Variants in SLC38A8 observed in about 807,000 individuals in gnomAD.
SLC38A8 encodes the protein amino acid transporter SLC38A8.
In SLC38A8, 65 loss-of-function variants were observed where a neutral mutation model predicts 46.0. That is an observed-to-expected ratio of 1.41 (90% CI 1.16 to 1.74). The LOEUF (loss-of-function observed/expected upper bound fraction) is 1.74. SLC38A8 is among the 40% of genes most tolerant of loss of function. The pLI is 0.00. For missense variants in SLC38A8, 998 were observed against 567.9 expected, an observed-to-expected ratio of 1.76 and a Z score of -7.70; for synonymous variants, 447 against 243.7, an observed-to-expected ratio of 1.83 and a Z score of -7.77.
intron 9 of SLC38A8, 52 bp downstream of exon 9, chr16:84,016,467 G>A: frequency 3.2e-6 from 5 of 1,586,094 alleles, no homozygotes; most frequent in Non-Finnish European, 4.3e-6. Flanking sequence ...TCCCCACAGA[G>A]ATGAGCAGGG....
At chr16:84,015,636 C>T (rs1347582954) in intron 9 of SLC38A8, among the ~76,000 whole-genome samples, 1 of 152,048 alleles carries the variant, frequency 6.6e-6, no homozygotes, top group Non-Finnish European at 1.5e-5. Context: ...GTTCCTACGT[C>T]AAGAATGTCC....
In SLC38A8 at chr16:84,017,157, G is replaced by C; in HGVS notation, c.936C>G (p.Ile312Met). ...GGCCTCACCTCCCCAGGAAGAGCACGATGGGGTAGACAGTTACGATGGAGA... is the reference window on the plus strand; with the variant it reads ...GGCCTCACCTCCCCAGGAAGAGCACCATGGGGTAGACAGTTACGATGGAGA... ...FAVSIVTVYP[I>M]VLFLGRSVMQ... The change falls in exon 8 of 11, where the codon ATC becomes ATG. Residue 312 changes from isoleucine (I) to methionine (M), a missense_variant. Ile to Met is a conservative substitution (Grantham distance 10, BLOSUM62 1). Coordinates refer to ENST00000299709, the MANE Select transcript of SLC38A8 (RefSeq NM_001080442.3). 2 of 1,614,118 alleles carry C rather than the reference G, an allele frequency of 1.2e-6. No homozygotes were observed. Among genetic ancestry groups the C allele is most frequent in the Admixed American group, 1.7e-5 (1 of 60,014 alleles).
chr16:84,028,044 GA>G (rs1430123484), intron 6 of SLC38A8, among the ~76,000 whole-genome samples: 1 of 134,454 alleles, frequency 7.4e-6, no homozygotes, highest in Non-Finnish European at 1.7e-5. Flanking sequence ...AATGTTTCAA[GA>G]TTTTTTTTTT....
intron 10 of SLC38A8, among the ~76,000 whole-genome samples, chr16:84,012,062 C>T (rs932633417): frequency 1.3e-5 from 2 of 152,310 alleles, no homozygotes; most frequent in African/African-American, 4.8e-5. Flanking sequence ...TGATTTCACA[C>T]TCCTGGCTCC....
chr16:84,032,359 T>C (rs1381584849), intron 4 of SLC38A8, among the ~76,000 whole-genome samples: 1 of 152,178 alleles, frequency 6.6e-6, no homozygotes, highest in African/African-American at 2.4e-5. Flanking sequence ...TCGCTAATTT[T>C]TGTACTTTTA....
rs564750359 is a variant in SLC38A8 at position 84,028,695 on chromosome 16, CT to C, written c.690+798del. Among the ~76,000 whole-genome samples the C allele has an allele frequency of 5.8e-3, 877 of 151,090 alleles. 26 individuals are homozygous for C. The highest frequency in any genetic ancestry group is 0.053 in the Admixed American group (782 of 14,764). On this transcript the variant is annotated intron_variant, in intron 6 of 10. Transcript: ENST00000299709. Reference sequence around the variant, plus strand: ...AGGCCCGCCACCTCCCCTGCCCCCCCTGCCCCGCCACCTTCCCCCCAGCGCT... The same window carrying C: ...AGGCCCGCCACCTCCCCTGCCCCCCCGCCCCGCCACCTTCCCCCCAGCGCT...
intron 2 of SLC38A8, among the ~76,000 whole-genome samples, chr16:84,039,129 T>G (rs2085337353): frequency 6.6e-6 from 1 of 152,072 alleles, no homozygotes. Flanking sequence ...CCTGAGGCCA[T>G]AAACCCAAGA....
intron 6 of SLC38A8, among the ~76,000 whole-genome samples, chr16:84,028,606 C>G (rs916576667): frequency 2.6e-5 from 4 of 151,652 alleles, no homozygotes; most frequent in Admixed American, 2.6e-4. Context: ...AGAGCAGTGT[C>G]TGCTTCCACC....
intron 9 of SLC38A8, among the ~76,000 whole-genome samples, chr16:84,013,424 G>GTTTT (rs1221293803): frequency 0.011 from 692 of 64,028 alleles, 25 homozygotes; most frequent in Non-Finnish European, 0.013. Context: ...TTGTGTGTGT[G>GTTTT]TTTTTTTTTT....
chr16:84,020,281 C>G (rs1189580248), intron 7 of SLC38A8, among the ~76,000 whole-genome samples: 1 of 152,036 alleles, frequency 6.6e-6, no homozygotes, highest in Admixed American at 6.6e-5. Context: ...GTAGCTGGAA[C>G]TACAGGCTCA....
At position 84,029,546 on chromosome 16, in the gene SLC38A8, G is replaced by C. The variant is rs141539835; in HGVS notation, c.638C>G (p.Ala213Gly). The C allele has an allele frequency of 3.6e-5, 58 of 1,614,132 alleles. No individual in the cohort carries two copies. Among genetic ancestry groups the C allele is most frequent in the Non-Finnish European group, 4.7e-5 (56 of 1,180,016 alleles). ...VRESHPSLSP[A>G]SWTSVFSVFP... ...GACACTGAACACAGAGGTCCAGGAG[G>C]CAGGGCTGTAAACAGACAAGAACAG... The change falls in exon 6 of 11, where the codon GCC (alanine) becomes GGC (glycine). Residue 213 changes from alanine (A) to glycine (G), a missense_variant. Coordinates refer to ENST00000299709, the MANE Select transcript of SLC38A8 (RefSeq NM_001080442.3).
intron 6 of SLC38A8, 128 bp from the exon 7 acceptor site, chr16:84,023,017 A>G (rs1597259887): frequency 4.7e-6 from 3 of 633,058 alleles, no homozygotes; most frequent in African/African-American, 3.8e-5. Flanking sequence ...AGCCTGATCA[A>G]TCCTTTATTC....
chr16:84,012,804 C>T (rs549547902), intron 10 of SLC38A8, among the ~76,000 whole-genome samples, 197 bp downstream of exon 10: 3 of 152,308 alleles, frequency 2.0e-5, no homozygotes, highest in East Asian at 3.9e-4. Flanking sequence ...TTGGAGGACC[C>T]GGTGTTACTG....
intron 6 of SLC38A8, among the ~76,000 whole-genome samples, chr16:84,025,984 G>T (rs548444920): frequency 6.6e-6 from 1 of 152,224 alleles, no homozygotes; most frequent in African/African-American, 2.4e-5. Context: ...CAGCCCTGTG[G>T]TCCTAGAGCC....
At chr16:84,017,006 G>T in intron 8 of SLC38A8, 134 bp downstream of exon 8, 3 of 1,280,940 alleles carry the variant, frequency 2.3e-6, no homozygotes, top group Non-Finnish European at 3.2e-6. Context: ...AATCCTCTGT[G>T]CCTGTTTCCT....
At chr16:84,016,456 G>GT in intron 9 of SLC38A8, 63 bp downstream of exon 9, 1 of 1,557,326 alleles carries the variant, frequency 6.4e-7, no homozygotes. Flanking sequence ...AACACTGGGA[G>GT]TCCCCACAGA....
At chr16:84,019,919 C>A (rs957287551) in intron 7 of SLC38A8, among the ~76,000 whole-genome samples, 1 of 152,390 alleles carries the variant, frequency 6.6e-6, no homozygotes, top group East Asian at 1.9e-4. Flanking sequence ...CCTGGACACA[C>A]TGAGGCAACC....
rs770584497 is a variant in SLC38A8 at position 84,036,876 on chromosome 16, C to G, written c.214G>C (p.Gly72Arg). ...ELVSLVFLIS[G>R]LVILGYAAAV... Reference sequence around the variant, plus strand: ...GCAGCATAGCCCAGGATGACCAGCCCGCTGATCAGGAAGACCAACGAGACC... The same window carrying G: ...GCAGCATAGCCCAGGATGACCAGCCGGCTGATCAGGAAGACCAACGAGACC... Residue 72 changes from glycine (G) to arginine (R), a missense_variant, in exon 3 of 11, where the codon GGG becomes CGG. Physicochemically the swap from Gly to Arg is moderately radical, Grantham distance 125. Transcript: ENST00000299709. 1.2e-6 allele frequency: 2 copies of G among 1,612,834 alleles called. No homozygotes were observed. Among genetic ancestry groups the G allele is most frequent in the Admixed American group, 1.7e-5 (1 of 59,986 alleles).
At chr16:84,040,902 G>C (rs918242153) in intron 2 of SLC38A8, among the ~76,000 whole-genome samples, 5 of 152,216 alleles carry the variant, frequency 3.3e-5, no homozygotes, top group African/African-American at 7.2e-5. Context: ...TCCTAGGCCA[G>C]GCACGGGGCA....
Sources: gnomAD v4.1 joint callset for allele counts (sites outside exome capture counted in the v4.1 genomes callset) on GRCh38, gnomAD v4.1.1 for gene constraint, MANE v1.5 for transcripts, NCBI Gene and HGNC (gene_info 2026-07-23, HGNC 2026-07-21) for gene names.